Variants in IQGAP1 observed in about 807,000 individuals in gnomAD.
IQGAP1 encodes ras GTPase-activating-like protein IQGAP1.
A neutral mutation model predicts 215.6 loss-of-function variants in IQGAP1; 66 were observed. That is an observed-to-expected ratio of 0.31 (90% confidence interval 0.25 to 0.38). IQGAP1 has a LOEUF of 0.38. Among genes scored for constraint, IQGAP1 ranks in the 10% least tolerant of loss-of-function variants. IQGAP1 has a pLI of 1.00. For synonymous variants in IQGAP1, 772 were observed against 728.7 expected, an observed-to-expected ratio of 1.06 and a Z score of -0.96; for missense variants, 1,712 against 1,997.1, an observed-to-expected ratio of 0.86 and a Z score of 2.72.
At chr15:90,468,134 C>G (rs1965857510) in intron 18 of IQGAP1, among the ~76,000 whole-genome samples, 2 of 151,814 alleles carry the variant, frequency 1.3e-5, no homozygotes, top group South Asian at 2.1e-4. Flanking sequence ...GTGGTGCATT[C>G]TCGGCTCACT....
At chr15:90,499,247 T>C (rs559060374) in intron 37 of IQGAP1, among the ~76,000 whole-genome samples, 2 of 152,348 alleles carry the variant, frequency 1.3e-5, no homozygotes, top group African/African-American at 4.8e-5. Context: ...AGCGGGAGCA[T>C]TGCAGTCAGA....
At chr15:90,427,994 A>C (rs555749850) in intron 3 of IQGAP1, among the ~76,000 whole-genome samples, 1 of 152,338 alleles carries the variant, frequency 6.6e-6, no homozygotes, top group African/African-American at 2.4e-5. Context: ...TACTCAGCCA[A>C]AATTAACATC....
chr15:90,453,527 A>C (rs924219530), intron 13 of IQGAP1, among the ~76,000 whole-genome samples: 2 of 152,270 alleles, frequency 1.3e-5, no homozygotes, highest in Admixed American at 1.3e-4. Context: ...TATCTCTGAC[A>C]AAGTTAAATA....
At chr15:90,401,889 G>A (rs1964809768) in intron 2 of IQGAP1, among the ~76,000 whole-genome samples, 1 of 152,144 alleles carries the variant, frequency 6.6e-6, no homozygotes, top group South Asian at 2.1e-4. Flanking sequence ...ACATTATTGT[G>A]AGATAGGCAT....
At chr15:90,444,949 CCT>C (rs1965505949) in intron 9 of IQGAP1, among the ~76,000 whole-genome samples, 2 of 152,094 alleles carry the variant, frequency 1.3e-5, no homozygotes, top group African/African-American at 4.8e-5. Flanking sequence ...GTGGCGAAAC[CCT>C]GTCTCTACAA....
intron 11 of IQGAP1, among the ~76,000 whole-genome samples, chr15:90,452,301 A>G (rs1965614482): frequency 6.6e-6 from 1 of 152,180 alleles, no homozygotes; most frequent in African/African-American, 2.4e-5. Flanking sequence ...CAATGAGGGA[A>G]AAAGGAGGTG....
chr15:90,455,287 G>A (rs79867229), intron 14 of IQGAP1, among the ~76,000 whole-genome samples: 2,224 of 152,242 alleles, frequency 0.015, 43 homozygotes, highest in African/African-American at 0.05. Context: ...TTTGGCCTCT[G>A]CTCCCTGGAG....
chr15:90,409,587 C>T (rs567602326), intron 2 of IQGAP1, among the ~76,000 whole-genome samples: 4 of 152,170 alleles, frequency 2.6e-5, no homozygotes, highest in Non-Finnish European at 4.4e-5. Flanking sequence ...GTTGCCCAGC[C>T]TGGCCTCGAA....
At chr15:90,396,696 A>G (rs994735537) in intron 2 of IQGAP1, among the ~76,000 whole-genome samples, 3 of 152,146 alleles carry the variant, frequency 2.0e-5, no homozygotes, top group African/African-American at 7.2e-5. Context: ...AGGCTCCACC[A>G]TAAGAAGTGG....
At chr15:90,477,600 C>A in intron 25 of IQGAP1, 65 bp from the exon 26 acceptor site, 2 of 1,136,322 alleles carry the variant, frequency 1.8e-6, no homozygotes, top group Non-Finnish European at 2.7e-6. Flanking sequence ...GATCTTTAAG[C>A]AGGAAGGATC....
At chr15:90,464,521 C>G (rs1965803689) in intron 15 of IQGAP1, among the ~76,000 whole-genome samples, 1 of 152,060 alleles carries the variant, frequency 6.6e-6, no homozygotes, top group South Asian at 2.1e-4. Flanking sequence ...TAAGCTACTT[C>G]CCCAAATTGA....
rs1386140484 is a variant in IQGAP1 at position 90,441,520 on chromosome 15, A to T, written c.664A>T (p.Ile222Phe). 1.2e-6 allele frequency: 2 copies of T among 1,609,316 alleles called. No individual in the cohort carries two copies. The highest frequency in any genetic ancestry group is 1.7e-6 in the Non-Finnish European group (2 of 1,178,260). Residue 222 changes from isoleucine to phenylalanine, a missense_variant, in exon 8 of 38, where the codon ATT (isoleucine) becomes TTT (phenylalanine). Transcript: ENST00000268182. ...VDEAALHAAV[I>F]AINEAIDRRI... ...TTTTTTTTTAGTACATGCTGCTGTT[A>T]TTGCTATTAATGAAGCTATTGACCG... is the stretch of plus-strand genomic sequence containing the variant.
chr15:90,473,868 T>A (rs1427375685), intron 20 of IQGAP1, 28 bp from the exon 21 acceptor site: 1 of 1,613,214 alleles, frequency 6.2e-7, no homozygotes, highest in South Asian at 1.1e-5. Flanking sequence ...GAAGGACTCT[T>A]CTAATTTCCA....
intron 2 of IQGAP1, chr15:90,391,266 G>C (rs1964632848): frequency 6.0e-6 from 1 of 165,796 alleles, no homozygotes; most frequent in Non-Finnish European, 1.3e-5. Flanking sequence ...AGATTTATTT[G>C]AGTATGTTAT....
chr15:90,417,467 C>T (rs1016730964), intron 2 of IQGAP1, among the ~76,000 whole-genome samples: 7 of 152,112 alleles, frequency 4.6e-5, no homozygotes, highest in Non-Finnish European at 7.4e-5. Flanking sequence ...AATAGGGAAT[C>T]GTTTCCCCAT....
chr15:90,412,862 G>A (rs1964987142), intron 2 of IQGAP1, among the ~76,000 whole-genome samples: 1 of 152,202 alleles, frequency 6.6e-6, no homozygotes, highest in African/African-American at 2.4e-5. Context: ...GTGGCTTGAA[G>A]TGGTCAGTTC....
rs1966344238 is a variant in IQGAP1 at position 90,501,737 on chromosome 15, A to T, written c.*1629A>T. 1 of 152,182 alleles carries T rather than the reference A, an allele frequency of 6.6e-6. No homozygotes were observed. 9.4% of individuals were successfully genotyped at this position (152,182 alleles called of 1,614,324 possible). ...TTTTTTAAAGAAACATTTTCCTCAGATTAAAAGATGATGCTATTACAACTA... is the reference window on the plus strand; with the variant it reads ...TTTTTTAAAGAAACATTTTCCTCAGTTTAAAAGATGATGCTATTACAACTA... On this transcript the variant is annotated 3_prime_UTR_variant, in exon 38 of 38. Transcript: ENST00000268182.
At chr15:90,486,827 G>A (rs983302936) in intron 31 of IQGAP1, 127 bp from the exon 32 acceptor site, 5 of 916,546 alleles carry the variant, frequency 5.5e-6, no homozygotes, top group Non-Finnish European at 8.4e-6. Flanking sequence ...AGTTGTTCTC[G>A]TCACACTGTA....
rs141174343 is a variant in IQGAP1, at chr15:90,427,716, G to C, written c.312+1450G>C. 7.8e-3 allele frequency among the ~76,000 whole-genome samples: 1,194 copies of C among 152,136 alleles called. 16 individuals are homozygous for C. Among genetic ancestry groups the C allele is most frequent in the African/African-American group, 0.027 (1,139 of 41,484 alleles). Reference sequence around the variant, plus strand: ...GATAGCACCACTGCACTCCAGCCTGGGCAACAGAGCAAGACTCTGTCTCCC... The same window carrying C: ...GATAGCACCACTGCACTCCAGCCTGCGCAACAGAGCAAGACTCTGTCTCCC... On this transcript the variant is annotated intron_variant, in intron 3 of 37. Transcript: ENST00000268182.
Sources: gnomAD v4.1 joint callset for allele counts (sites outside exome capture counted in the v4.1 genomes callset) on GRCh38, gnomAD v4.1.1 for gene constraint, MANE v1.5 for transcripts, NCBI Gene and HGNC (gene_info 2026-07-23, HGNC 2026-07-21) for gene names.